Variants in SORCS3 observed in about 807,000 individuals in gnomAD.
The protein encoded by SORCS3 is sortilin related VPS10 domain containing receptor 3, also known as VPS10 domain-containing receptor SorCS3.
Under a neutral mutation model 146.3 loss-of-function variants are expected in SORCS3, and 57 were observed. That is an observed-to-expected ratio of 0.39 (90% CI 0.31 to 0.49). The LOEUF (loss-of-function observed/expected upper bound fraction) is 0.49. SORCS3 is among the 20% of genes least tolerant of loss of function. SORCS3 has a pLI of 0.92. For missense variants in SORCS3, 1,341 were observed against 1,575.5 expected (o/e 0.85, Z 2.52); for synonymous variants, 653 against 618.5 (o/e 1.06, Z -0.83).
chr10:104,787,567 T>C (rs983660783), intron 1 of SORCS3, among the ~76,000 whole-genome samples: 1 of 152,084 alleles, frequency 6.6e-6, no homozygotes, highest in Non-Finnish European at 1.5e-5. Context: ...TAGCTGCAAG[T>C]CCAGCCTAAC....
intron 1 of SORCS3, among the ~76,000 whole-genome samples, chr10:104,646,193 G>T (rs1449871619): frequency 2.0e-5 from 3 of 152,186 alleles, no homozygotes; most frequent in Non-Finnish European, 4.4e-5. Context: ...TTCTCTGATG[G>T]CTGGATTACA....
At chr10:104,907,841 T>A (rs757512041) in intron 2 of SORCS3, among the ~76,000 whole-genome samples, 1 of 152,252 alleles carries the variant, frequency 6.6e-6, no homozygotes, top group Non-Finnish European at 1.5e-5. Context: ...AGAATGAAGC[T>A]GTTTAAATGA....
chr10:104,777,449 C>G (rs2017322932), intron 1 of SORCS3, among the ~76,000 whole-genome samples: 1 of 152,202 alleles, frequency 6.6e-6, no homozygotes. Flanking sequence ...GGGGTGTGAG[C>G]AGAGCAAAGA....
At chr10:104,943,855 A>G (rs1437201527) in intron 3 of SORCS3, among the ~76,000 whole-genome samples, 1 of 152,212 alleles carries the variant, frequency 6.6e-6, no homozygotes, top group Non-Finnish European at 1.5e-5. Context: ...GCAAAGATAG[A>G]AAAATAGACC....
chr10:104,648,538 A>G (rs72811698), intron 1 of SORCS3, among the ~76,000 whole-genome samples: 8,837 of 152,220 alleles, frequency 0.058, 336 homozygotes, highest in Middle Eastern at 0.11. Flanking sequence ...CATACTCTAT[A>G]GTCAACCTGC....
rs112037557 is a variant in SORCS3 at position 105,196,927 on chromosome 10, C to A, written c.2010-3072C>A. 4.2e-3 allele frequency among the ~76,000 whole-genome samples: 632 copies of A among 152,214 alleles called. 6 individuals are homozygous for A. Among genetic ancestry groups the A allele is most frequent in the African/African-American group, 0.014 (587 of 41,546 alleles). ...CAAAAGGTCAGCAGGCCTCTACTCC[C>A]CTGGGGCTCTAGGGGAGAATTCATT... is the stretch of plus-strand genomic sequence containing the variant. On this transcript the variant is annotated intron_variant, in intron 14 of 26. Transcript: ENST00000369701.
At chr10:104,868,924 A>G (rs1284050985) in intron 2 of SORCS3, among the ~76,000 whole-genome samples, 1 of 152,146 alleles carries the variant, frequency 6.6e-6, no homozygotes, top group Non-Finnish European at 1.5e-5. Flanking sequence ...TCATGTTTCT[A>G]TTACCAGTTC....
intron 1 of SORCS3, among the ~76,000 whole-genome samples, chr10:104,790,616 A>T (rs774956878): frequency 6.6e-6 from 1 of 152,182 alleles, no homozygotes; most frequent in Non-Finnish European, 1.5e-5. Context: ...CTGACTTTCT[A>T]TTCTGGTGAT....
At chr10:104,849,201 A>G (rs1359354078) in intron 2 of SORCS3, among the ~76,000 whole-genome samples, 6 of 152,070 alleles carry the variant, frequency 3.9e-5, no homozygotes, top group Non-Finnish European at 8.8e-5. Flanking sequence ...ACCTGAGGTC[A>G]GGGGTTCACG....
chr10:105,098,338 A>G (rs1418323224), intron 6 of SORCS3, among the ~76,000 whole-genome samples: 1 of 152,222 alleles, frequency 6.6e-6, no homozygotes, highest in Admixed American at 6.5e-5. Context: ...GAAGGATTCC[A>G]TAATCAAAAA....
At chr10:105,030,777 G>T (rs2055261284) in intron 4 of SORCS3, among the ~76,000 whole-genome samples, 1 of 151,802 alleles carries the variant, frequency 6.6e-6, no homozygotes, top group African/African-American at 2.4e-5. Context: ...ATTTTTAGTA[G>T]AGTTGAGGTT....
chr10:104,813,051 C>T (rs2017757180), intron 1 of SORCS3, among the ~76,000 whole-genome samples: 1 of 152,206 alleles, frequency 6.6e-6, no homozygotes, highest in Non-Finnish European at 1.5e-5. Context: ...TACTCCATGG[C>T]CTACTGGGCC....
At chr10:105,208,186 C>T (rs1332137510) in intron 16 of SORCS3, among the ~76,000 whole-genome samples, 1 of 152,004 alleles carries the variant, frequency 6.6e-6, no homozygotes, top group African/African-American at 2.4e-5. Context: ...ACTAAAAATA[C>T]AAAAATTAAC....
intron 20 of SORCS3, among the ~76,000 whole-genome samples, chr10:105,238,785 T>G (rs765603349): frequency 1.3e-5 from 2 of 152,196 alleles, no homozygotes; most frequent in Non-Finnish European, 2.9e-5. Flanking sequence ...GTATCTGTAT[T>G]TGAGGGAAAG....
In SORCS3 at chr10:104,641,613, G is replaced by A; in HGVS notation, c.286G>A (p.Gly96Ser). ...AGAGCTGCTGCCCCAGCAGGGCGGCGGCAGAGGCGGTGAGATGCAGGTGGA... is the reference window on the plus strand; with the variant it reads ...AGAGCTGCTGCCCCAGCAGGGCGGCAGCAGAGGCGGTGAGATGCAGGTGGA... ...GPELLPQQGG[G>S]RGGEMQVEAG... Residue 96 changes from glycine (G) to serine (S), a missense_variant, in exon 1 of 27, where the codon GGC (glycine) becomes AGC (serine). By Grantham distance (56) the Gly-to-Ser change is moderately conservative. Transcript: ENST00000369701. The surrounding 1 kb of genome is among the most constrained non-coding windows in gnomAD (Gnocchi z 6.4). 1.3e-6 allele frequency: 2 copies of A among 1,518,452 alleles called. No individual in the cohort carries two copies. Among genetic ancestry groups the A allele is most frequent in the Non-Finnish European group, 1.8e-6 (2 of 1,139,776 alleles). The allele number at this position is 1,518,452 out of a possible 1,614,324, so 94.1% of individuals were successfully genotyped here.
At position 105,049,843 on chromosome 10, in the gene SORCS3, C is replaced by G. The variant is rs1247428350; in HGVS notation, c.1028+6715C>G. Among the ~76,000 whole-genome samples the G allele has an allele frequency of 5.3e-5, 8 of 152,148 alleles. No individual in the cohort carries two copies. The East Asian group carries it at 1.6e-3, about 29-fold the overall frequency. ...TGCGAGGAGGGCAAGGGCTGAATAACTACCTATTGGGTACTATGCTTACTA... is the reference window on the plus strand; with the variant it reads ...TGCGAGGAGGGCAAGGGCTGAATAAGTACCTATTGGGTACTATGCTTACTA... On this transcript the variant is annotated intron_variant, in intron 5 of 26. Coordinates refer to ENST00000369701, the MANE Select transcript of SORCS3 (RefSeq NM_014978.3).
chr10:105,143,039 C>T (rs2056106270), intron 8 of SORCS3, among the ~76,000 whole-genome samples: 1 of 152,130 alleles, frequency 6.6e-6, no homozygotes, highest in African/African-American at 2.4e-5. Flanking sequence ...TTTTCTTACT[C>T]CCTATTCTCT....
At chr10:104,700,019 G>A (rs752172344) in intron 1 of SORCS3, among the ~76,000 whole-genome samples, 1 of 152,228 alleles carries the variant, frequency 6.6e-6, no homozygotes, top group Non-Finnish European at 1.5e-5. Flanking sequence ...AACATAATAT[G>A]CCACAGACCA....
intron 1 of SORCS3, among the ~76,000 whole-genome samples, chr10:104,734,177 T>C (rs2016741828): frequency 6.6e-6 from 1 of 152,222 alleles, no homozygotes; most frequent in Non-Finnish European, 1.5e-5. Flanking sequence ...GCTAGGAAGA[T>C]CTCGTCCCTA....
Sources: allele counts gnomAD v4.1 joint callset (sites outside exome capture counted in the v4.1 genomes callset), GRCh38; gene constraint gnomAD v4.1.1; non-coding constraint Gnocchi (gnomAD v3.1); transcripts MANE v1.5; gene names NCBI Gene and HGNC (gene_info 2026-07-23, HGNC 2026-07-21).